The following GID4 variants were observed in gnomAD, a reference collection of about 807,000 sequenced individuals.
GID4 encodes glucose-induced degradation protein 4 homolog.
A neutral mutation model predicts 32.4 loss-of-function variants in GID4; 7 were observed. The observed-to-expected ratio is 0.22, with a 90% CI of 0.12 to 0.41. The LOEUF is 0.41. Among genes scored for constraint, GID4 ranks in the 10% least tolerant of loss-of-function variants. The pLI, the probability that GID4 is intolerant of heterozygous loss-of-function variation, is 1.00. For missense variants in GID4, 309 were observed against 400.0 expected, an observed-to-expected ratio of 0.77 and a Z score of 1.94; for synonymous variants, 166 against 170.0, an observed-to-expected ratio of 0.98 and a Z score of 0.18.
In GID4 at chr17:18,045,216, T is replaced by A. The variant is rs747685079; in HGVS notation, c.498+10T>A. On this transcript the variant is annotated intron_variant, in intron 2 of 5. Transcript: ENST00000268719. ...TAAAGGCCTTACTGAGGTAAGCACTTGCTCACACAAACCAGCACTAGAAAG... is the reference window on the plus strand; with the variant it reads ...TAAAGGCCTTACTGAGGTAAGCACTAGCTCACACAAACCAGCACTAGAAAG... 323 of 1,609,742 alleles carry A rather than the reference T, an allele frequency of 2.0e-4. No individual in the cohort carries two copies. Among genetic ancestry groups the A allele is most frequent in the Non-Finnish European group, 2.5e-4 (293 of 1,176,166 alleles).
intron 2 of GID4, among the ~76,000 whole-genome samples, chr17:18,052,286 T>C (rs761653087): frequency 6.6e-6 from 1 of 152,138 alleles, no homozygotes; most frequent in Non-Finnish European, 1.5e-5. Flanking sequence ...ATCCCCTCCA[T>C]GGTGTCATCC....
rs751607901 is a variant in GID4 at position 18,039,747 on chromosome 17, G to A, written c.283G>A (p.Gly95Ser). 1.9e-6 allele frequency: 3 copies of A among 1,549,730 alleles called. No individual in the cohort carries two copies. The highest frequency in any genetic ancestry group is 1.4e-5 in the African/African-American group (1 of 70,938). Reference protein sequence around the residue: ...PVRTECPPPAGASAASAASLI... With the variant: ...PVRTECPPPASASAASAASLI... ...CCGCACCGAGTGTCCCCCGCCGGCC[G>A]GTGCCTCCGCTGCCTCCGCGGCCTC... Residue 95 changes from glycine (G) to serine (S), a missense_variant, in exon 1 of 6, where the codon GGT becomes AGT. Coordinates refer to ENST00000268719, the MANE Select transcript of GID4 (RefSeq NM_024052.5). This position sits in a 1 kb window ranked among gnomAD's most constrained non-coding sequence, Gnocchi z 5.3.
intron 1 of GID4, among the ~76,000 whole-genome samples, chr17:18,043,183 G>A (rs1489743072): frequency 6.6e-6 from 1 of 152,112 alleles, no homozygotes; most frequent in African/African-American, 2.4e-5. Context: ...TGAGATGCTC[G>A]CCTGCCGTTT....
At chr17:18,041,471 A>G (rs1186331666) in intron 1 of GID4, among the ~76,000 whole-genome samples, 1 of 152,216 alleles carries the variant, frequency 6.6e-6, no homozygotes, top group Non-Finnish European at 1.5e-5. Flanking sequence ...GTAAAGTTCT[A>G]TCATGAGCCA....
intron 2 of GID4, among the ~76,000 whole-genome samples, chr17:18,052,738 A>G (rs2044924519): frequency 6.6e-6 from 1 of 152,228 alleles, no homozygotes; most frequent in Non-Finnish European, 1.5e-5. Flanking sequence ...ACAAAGAGCA[A>G]TTAACAAAGC....
At chr17:18,044,804 G>A (rs976004387) in intron 1 of GID4, among the ~76,000 whole-genome samples, 9 of 152,290 alleles carry the variant, frequency 5.9e-5, no homozygotes, top group East Asian at 3.9e-4. Flanking sequence ...AGAGACAGAG[G>A]CCCTGTGCCC....
rs2955372 is a variant in GID4, at chr17:18,066,915, T to C, written c.*1672T>C. On this transcript the variant is annotated 3_prime_UTR_variant, in exon 6 of 6. Transcript: ENST00000268719. ...CAGGACTGTGTACAGAGGGGCAACC[T>C]ACCCATTCAGGAAGGTCAGGGCTTT... 90,856 of 152,018 alleles carry C rather than the reference T, an allele frequency of 0.6. 28,289 individuals carry two copies. The highest frequency in any genetic ancestry group is 0.68 in the Non-Finnish European group (46,085 of 67,976). 9.4% of individuals were successfully genotyped at this position (152,018 alleles called of 1,614,324 possible).
intron 4 of GID4, among the ~76,000 whole-genome samples, chr17:18,060,311 T>G (rs1477357413): frequency 7.0e-6 from 1 of 143,164 alleles, no homozygotes; most frequent in Non-Finnish European, 1.5e-5. Flanking sequence ...GGCAGGAGAA[T>G]CACTTGAACC....
At chr17:18,046,628 A>T (rs2044855285) in intron 2 of GID4, among the ~76,000 whole-genome samples, 1 of 151,876 alleles carries the variant, frequency 6.6e-6, no homozygotes, top group Admixed American at 6.6e-5. Flanking sequence ...CTTTAAAAAA[A>T]AAAAAAATTG....
At chr17:18,056,843 C>T (rs1567588058) in intron 3 of GID4, 2 of 1,550,564 alleles carry the variant, frequency 1.3e-6, no homozygotes, top group Non-Finnish European at 1.7e-6. Context: ...TGGAGTGCTT[C>T]CTCCTCCAAC....
At chr17:18,043,030 C>T (rs1458798552) in intron 1 of GID4, among the ~76,000 whole-genome samples, 2 of 152,180 alleles carry the variant, frequency 1.3e-5, no homozygotes, top group Admixed American at 6.5e-5. Context: ...CTTACTGTGA[C>T]TCCTCTTTCC....
rs1409183480 is a variant in GID4, at chr17:18,054,223, C to T, written c.595C>T (p.Arg199Trp). The part of the protein sequence containing the change: ...RKWDADEDVD[R>W]KHWGKFLAFY... ...GTGGGATGCAGATGAAGATGTTGAT[C>T]GGAAACACTGGGTGAGTAAATCTGA... The change falls in exon 3 of 6, where the codon CGG becomes TGG. Residue 199 changes from arginine to tryptophan, a missense_variant. Transcript: ENST00000268719. 2 of 1,600,552 alleles carry T rather than the reference C, an allele frequency of 1.2e-6. No individual in the cohort carries two copies. Among genetic ancestry groups the T allele is most frequent in the East Asian group, 2.2e-5 (1 of 44,814 alleles).
At chr17:18,059,183 C>T (rs1324702658) in intron 4 of GID4, among the ~76,000 whole-genome samples, 1 of 152,194 alleles carries the variant, frequency 6.6e-6, no homozygotes, top group East Asian at 1.9e-4. Context: ...CAGACAGCTC[C>T]TCCTCGCTGT....
At chr17:18,045,292 C>A in intron 2 of GID4, 86 bp downstream of exon 2, 1 of 938,388 alleles carries the variant, frequency 1.1e-6, no homozygotes, top group Non-Finnish European at 1.7e-6. Flanking sequence ...GCGGTCTCAA[C>A]TCCTTGAGGC....
chr17:18,065,044 G>T, intron 5 of GID4, 136 bp from the exon 6 acceptor site: 1 of 680,564 alleles, frequency 1.5e-6, no homozygotes, highest in Non-Finnish European at 2.7e-6. Context: ...TTCAACTTGA[G>T]AAATAGAAAA....
chr17:18,062,077 A>T, intron 5 of GID4, 102 bp downstream of exon 5: 1 of 1,135,776 alleles, frequency 8.8e-7, no homozygotes, highest in Admixed American at 1.8e-5. Context: ...CTGTCTCTGT[A>T]TAGATTCTGT....
intron 1 of GID4, among the ~76,000 whole-genome samples, chr17:18,044,853 G>A (rs780024944): frequency 6.6e-6 from 1 of 152,230 alleles, no homozygotes; most frequent in Non-Finnish European, 1.5e-5. Flanking sequence ...GGAGACGTGT[G>A]TTGAAGATAG....
At chr17:18,048,733 C>T (rs1025590584) in intron 2 of GID4, among the ~76,000 whole-genome samples, 2 of 151,782 alleles carry the variant, frequency 1.3e-5, no homozygotes. Flanking sequence ...ACTTCCACCT[C>T]CCAGGTTCAA....
In GID4 at chr17:18,067,566, T is replaced by A. The variant is rs925019088; in HGVS notation, c.*2323T>A. The A allele has an allele frequency of 6.6e-6, 1 of 152,588 alleles. No individual in the cohort carries two copies. 9.5% of individuals were successfully genotyped at this position (152,588 alleles called of 1,614,324 possible). A position where few individuals can be genotyped will look rare whatever the true frequency, so the allele number is the denominator to read the frequency against. On this transcript the variant is annotated 3_prime_UTR_variant, in exon 6 of 6. Coordinates refer to ENST00000268719, the MANE Select transcript of GID4 (RefSeq NM_024052.5). ...TGCCCACTGAGGATAGGGAAAGGAT[T>A]AAGGATTTTTCCACCTCCTCTTAGT...
Sources: gnomAD v4.1 joint callset for allele counts (sites outside exome capture counted in the v4.1 genomes callset) on GRCh38, gnomAD v4.1.1 for gene constraint, Gnocchi (gnomAD v3.1) non-coding constraint, MANE v1.5 for transcripts, NCBI Gene and HGNC (gene_info 2026-07-23, HGNC 2026-07-21) for gene names.